Variants in CRISPLD2 observed in about 807,000 individuals in gnomAD.
The protein encoded by CRISPLD2 is cysteine rich secretory protein LCCL domain containing 2.
A neutral mutation model predicts 71.1 loss-of-function variants in CRISPLD2; 47 were observed. That is an observed-to-expected ratio of 0.66 (90% CI 0.52 to 0.84). The LOEUF (loss-of-function observed/expected upper bound fraction) is 0.84. CRISPLD2 is among the 40% of genes least tolerant of loss of function. The probability of loss-of-function intolerance (pLI) is 0.00; values close to 1 mark genes in which losing one functional copy is unlikely to be tolerated. For synonymous variants in CRISPLD2, 317 were observed against 250.1 expected, an observed-to-expected ratio of 1.27 and a Z score of -2.52; for missense variants, 830 against 651.1, an observed-to-expected ratio of 1.27 and a Z score of -2.99.
intron 6 of CRISPLD2, among the ~76,000 whole-genome samples, chr16:84,856,487 T>G (rs898935459): frequency 2.0e-5 from 3 of 152,150 alleles, no homozygotes; most frequent in Admixed American, 2.0e-4. Context: ...CCTCTGGAAC[T>G]AAGACCTCTA....
At chr16:84,900,430 T>G (rs1220521022) in intron 14 of CRISPLD2, among the ~76,000 whole-genome samples, 1 of 152,094 alleles carries the variant, frequency 6.6e-6, no homozygotes, top group Non-Finnish European at 1.5e-5. Context: ...GCTGTTAATC[T>G]TATACTCAAA....
intron 7 of CRISPLD2, among the ~76,000 whole-genome samples, 174 bp from the exon 8 acceptor site, chr16:84,868,676 TG>T (rs1917608396): frequency 6.6e-6 from 1 of 152,246 alleles, no homozygotes; most frequent in African/African-American, 2.4e-5. Context: ...TGTAAAGCGG[TG>T]GGCCTGGGGT....
chr16:84,833,310 GT>G (rs1916532734), intron 1 of CRISPLD2, among the ~76,000 whole-genome samples: 1 of 152,174 alleles, frequency 6.6e-6, no homozygotes, highest in Non-Finnish European at 1.5e-5. Context: ...AATCTGGTGT[GT>G]TTTCATGAGG....
At position 84,866,238 on chromosome 16, in the gene CRISPLD2, G is replaced by GTTTTT. The variant is rs149109786; in HGVS notation, c.710-659_710-658insTTTTT. 5.0e-3 allele frequency among the ~76,000 whole-genome samples: 748 copies of GTTTTT among 148,312 alleles called. 19 individuals are homozygous for GTTTTT. The highest frequency in any genetic ancestry group is 0.035 in the Admixed American group (513 of 14,722). ...AGTGGCCGAGGCAGTTTTGTTTTTT[G>GTTTTT]GTTTTTTTTTTTGAGATGGAGTTTC... On this transcript the variant is annotated intron_variant, in intron 6 of 14. Coordinates refer to ENST00000262424, the MANE Select transcript of CRISPLD2 (RefSeq NM_031476.4).
intron 13 of CRISPLD2, among the ~76,000 whole-genome samples, chr16:84,881,834 G>A (rs1038843965): frequency 1.1e-4 from 17 of 151,820 alleles, no homozygotes; most frequent in South Asian, 2.1e-4. Flanking sequence ...GCTCTCTCCC[G>A]CTTCCCCGCC....
At chr16:84,834,684 A>T (rs900155344) in intron 1 of CRISPLD2, among the ~76,000 whole-genome samples, 1 of 152,224 alleles carries the variant, frequency 6.6e-6, no homozygotes, top group Admixed American at 6.5e-5. Flanking sequence ...AAGCTTCAAC[A>T]ATAGGAATTT....
chr16:84,857,191 C>A (rs1184153447), intron 6 of CRISPLD2, among the ~76,000 whole-genome samples: 1 of 152,202 alleles, frequency 6.6e-6, no homozygotes, highest in Non-Finnish European at 1.5e-5. Context: ...TGTTGCTGAG[C>A]CCATGCATAA....
At chr16:84,888,030 A>G (rs1341099155) in intron 13 of CRISPLD2, among the ~76,000 whole-genome samples, 2 of 152,314 alleles carry the variant, frequency 1.3e-5, no homozygotes, top group African/African-American at 2.4e-5. Context: ...ATAAATCACC[A>G]CAGACGTGGT....
At chr16:84,896,435 C>T (rs1470321519) in intron 14 of CRISPLD2, among the ~76,000 whole-genome samples, 2 of 152,098 alleles carry the variant, frequency 1.3e-5, no homozygotes, top group Non-Finnish European at 2.9e-5. Context: ...CAGTCTTAGA[C>T]ACTTAAGATC....
intron 13 of CRISPLD2, among the ~76,000 whole-genome samples, chr16:84,883,999 C>G (rs181975797): frequency 5.5e-4 from 83 of 152,116 alleles, no homozygotes; most frequent in Non-Finnish European, 1.0e-3. Flanking sequence ...GCCCGCCACC[C>G]ACACCCAGCT....
At chr16:84,890,939 G>A (rs2071656638) in intron 14 of CRISPLD2, among the ~76,000 whole-genome samples, 1 of 152,178 alleles carries the variant, frequency 6.6e-6, no homozygotes, top group Admixed American at 6.5e-5. Flanking sequence ...GCTAATTTTT[G>A]TATTTTTAGT....
intron 1 of CRISPLD2, among the ~76,000 whole-genome samples, chr16:84,822,359 T>C (rs920736706): frequency 2.6e-5 from 4 of 152,162 alleles, no homozygotes; most frequent in South Asian, 2.1e-4. Context: ...CCTTTGTAAG[T>C]TGCATTTGAA....
intron 13 of CRISPLD2, 63 bp from the exon 14 acceptor site, chr16:84,889,167 C>A (rs1201131643): frequency 1.9e-5 from 30 of 1,610,752 alleles, no homozygotes; most frequent in Non-Finnish European, 2.5e-5. Context: ...GATGGAGCCC[C>A]AGCTGGCTTG....
At chr16:84,873,776 G>A in intron 10 of CRISPLD2, 144 bp from the exon 11 acceptor site, 2 of 758,054 alleles carry the variant, frequency 2.6e-6, no homozygotes, top group Non-Finnish European at 4.1e-6. Flanking sequence ...CATTCTAAGA[G>A]CTCTCAGGCT....
At chr16:84,848,210 C>T (rs1321479814) in intron 3 of CRISPLD2, among the ~76,000 whole-genome samples, 2 of 152,184 alleles carry the variant, frequency 1.3e-5, no homozygotes, top group Non-Finnish European at 2.9e-5. Context: ...GGATGAGTGG[C>T]CAGCAGCCCT....
At chr16:84,840,658 C>T (rs1189599517) in intron 2 of CRISPLD2, among the ~76,000 whole-genome samples, 1 of 152,056 alleles carries the variant, frequency 6.6e-6, no homozygotes, top group African/African-American at 2.4e-5. Flanking sequence ...AGGCTTGCAC[C>T]ACCACGCCAG....
At chr16:84,834,325 C>G (rs2143159895) in intron 1 of CRISPLD2, among the ~76,000 whole-genome samples, 1 of 152,344 alleles carries the variant, frequency 6.6e-6, no homozygotes, top group East Asian at 1.9e-4. Flanking sequence ...AGGTCCATCC[C>G]ATTTGGAAAG....
In CRISPLD2 at chr16:84,838,609, C is replaced by T. The variant is rs760870426; in HGVS notation, c.114C>T (p.Tyr38=). The change falls in exon 2 of 15, where the codon TAC becomes TAT. Residue 38 remains tyrosine (Y), a synonymous_variant. Transcript: ENST00000262424. ...TCTTAGAGGAGCTGCTCAGCAAATA[C>T]CAGCACAACGAGTCTCACTCCCGGG... ...VTLLEELLSK[Y]QHNESHSRVR... is the part of the protein sequence containing the mutation. 1.1e-5 allele frequency: 17 copies of T among 1,614,242 alleles called. No individual in the cohort carries two copies. The highest frequency in any genetic ancestry group is 1.3e-5 in the Non-Finnish European group (15 of 1,180,042).
intron 6 of CRISPLD2, among the ~76,000 whole-genome samples, chr16:84,863,620 T>C (rs966649144): frequency 6.6e-6 from 1 of 152,158 alleles, no homozygotes; most frequent in Non-Finnish European, 1.5e-5. Flanking sequence ...TTCTTCCTCA[T>C]CTGTGAAATG....
Sources: gnomAD v4.1 joint callset for allele counts (sites outside exome capture counted in the v4.1 genomes callset) on GRCh38, gnomAD v4.1.1 for gene constraint, MANE v1.5 for transcripts, NCBI Gene and HGNC (gene_info 2026-07-23, HGNC 2026-07-21) for gene names.